Variants in NLGN4Y observed in about 807,000 individuals in gnomAD.
The protein encoded by NLGN4Y is neuroligin-4, Y-linked.
NLGN4Y carries 4 observed loss-of-function variants against 8.4 expected under a neutral mutation model. The observed-to-expected ratio is 0.48, with a 90% CI of 0.23 to 1.09. The LOEUF is 1.09. NLGN4Y is among the 50% of genes least tolerant of loss of function. The pLI is 0.19. For missense variants in NLGN4Y, 90 were observed against 192.3 expected, an observed-to-expected ratio of 0.47 and a Z score of 3.15; for synonymous variants, 35 against 75.6, an observed-to-expected ratio of 0.46 and a Z score of 2.78.
intron 2 of NLGN4Y, among the ~76,000 whole-genome samples, chrY:14,662,977 T>C: frequency 6.0e-5 from 2 of 33,461 alleles, no homozygotes; most frequent in Admixed American, 5.4e-4. Context: ...TTTCTGACTA[T>C]AATTTTTGTA....
chrY:14,554,354 A>G, intron 1 of NLGN4Y, among the ~76,000 whole-genome samples: 1 of 29,619 alleles, frequency 3.4e-5, no homozygotes. Flanking sequence ...GAGCACAGGC[A>G]TGTACCACCA....
At chrY:14,569,591 GTC>G (rs1569357160) in intron 1 of NLGN4Y, among the ~76,000 whole-genome samples, 1 of 33,424 alleles carries the variant, frequency 3.0e-5, no homozygotes, top group East Asian at 7.8e-4. Flanking sequence ...AACTGCATGT[GTC>G]TTTTTTGTAG....
Position 14,842,623 on chromosome Y carries a change from T to A in NLGN4Y, c.*1361T>A. On this transcript the variant is annotated 3_prime_UTR_variant, in exon 7 of 7. Coordinates refer to ENST00000684976, the MANE Select transcript of NLGN4Y (RefSeq NM_001365588.1). ...AAAATCTTTTATGTCATTTATAGGA[T>A]AAAACATATGCTTGTCTGAAAATAT... 8.2e-6 allele frequency: 1 copy of A among 122,082 alleles called. No individual in the cohort carries two copies. Among genetic ancestry groups the A allele is most frequent in the Non-Finnish European group, 1.8e-5 (1 of 56,256 alleles). The allele number at this position is 122,082 out of a possible 400,897, so 30.5% of individuals were successfully genotyped here. A position where few individuals can be genotyped will look rare whatever the true frequency, so the allele number is the denominator to read the frequency against.
At chrY:14,793,692 T>C in intron 4 of NLGN4Y, 1 of 32,209 alleles carries the variant, frequency 3.1e-5, no homozygotes, top group South Asian at 7.0e-4. Flanking sequence ...AGTGAGAAAA[T>C]TGTTAGCAGG....
At chrY:14,649,507 A>G in intron 2 of NLGN4Y, among the ~76,000 whole-genome samples, 2 of 32,581 alleles carry the variant, frequency 6.1e-5, no homozygotes, top group Non-Finnish European at 1.5e-4. Flanking sequence ...TGCCCCACAC[A>G]CTGATTTCCA....
intron 2 of NLGN4Y, among the ~76,000 whole-genome samples, chrY:14,674,333 CTTTTTTTTT>C (rs751963564): frequency 9.7e-5 from 2 of 20,672 alleles, no homozygotes; most frequent in African/African-American, 3.7e-4. Context: ...TTAATTTTTC[CTTTTTTTTT>C]TTTTTTTTTT....
intron 4 of NLGN4Y, among the ~76,000 whole-genome samples, chrY:14,769,444 A>T: frequency 1.2e-4 from 4 of 32,479 alleles, no homozygotes; most frequent in Non-Finnish European, 3.0e-4. Flanking sequence ...CTGGGAAGAG[A>T]AAGGGGTCAG....
intron 6 of NLGN4Y, among the ~76,000 whole-genome samples, chrY:14,831,819 C>A: frequency 3.1e-5 from 1 of 32,069 alleles, no homozygotes; most frequent in African/African-American, 1.2e-4. Context: ...CATACACACA[C>A]ATATGTCACA....
intron 4 of NLGN4Y, among the ~76,000 whole-genome samples, chrY:14,729,032 A>T: frequency 3.0e-5 from 1 of 33,683 alleles, no homozygotes; most frequent in Non-Finnish European, 7.4e-5. Context: ...ATTGCAATGG[A>T]CATGGTAATT....
chrY:14,656,008 C>A (rs945513993), intron 2 of NLGN4Y, among the ~76,000 whole-genome samples: 10 of 32,879 alleles, frequency 3.0e-4, no homozygotes, highest in African/African-American at 1.2e-3. Flanking sequence ...ATTTCATATG[C>A]CAGGGAAAAT....
chrY:14,834,009 A>G, intron 6 of NLGN4Y, among the ~76,000 whole-genome samples: 3 of 31,925 alleles, frequency 9.4e-5, no homozygotes, highest in Admixed American at 5.7e-4. Flanking sequence ...CTATTAAAAA[A>G]AAAAAAAAAG....
chrY:14,667,867 G>A, intron 2 of NLGN4Y, among the ~76,000 whole-genome samples: 1 of 33,627 alleles, frequency 3.0e-5, no homozygotes, highest in Non-Finnish European at 7.4e-5. Flanking sequence ...GTAAATTTGT[G>A]CATAGGATTC....
At chrY:14,654,804 C>G (rs2080643880) in intron 2 of NLGN4Y, among the ~76,000 whole-genome samples, 1 of 32,453 alleles carries the variant, frequency 3.1e-5, no homozygotes, top group Admixed American at 2.9e-4. Context: ...CTCAATCACC[C>G]CACACTGTGT....
At chrY:14,766,022 C>A (rs2081092657) in intron 4 of NLGN4Y, among the ~76,000 whole-genome samples, 2 of 33,359 alleles carry the variant, frequency 6.0e-5, no homozygotes, top group South Asian at 1.3e-3. Context: ...GCAAAGTTTT[C>A]TCTGTACATG....
intron 4 of NLGN4Y, among the ~76,000 whole-genome samples, chrY:14,769,809 C>G (rs968568093): frequency 1.2e-4 from 4 of 33,404 alleles, no homozygotes; most frequent in Admixed American, 8.1e-4. Flanking sequence ...ACTTGAAATT[C>G]TCACTACCAG....
chrY:14,770,694 G>A (rs2081105051), intron 4 of NLGN4Y, among the ~76,000 whole-genome samples: 1 of 33,393 alleles, frequency 3.0e-5, no homozygotes, highest in Non-Finnish European at 7.4e-5. Flanking sequence ...AAACCGGATG[G>A]AGAATGAGTT....
chrY:14,693,912 T>TA (rs768763131), intron 2 of NLGN4Y, among the ~76,000 whole-genome samples: 74 of 26,703 alleles, frequency 2.8e-3, no homozygotes, highest in South Asian at 4.9e-3. Flanking sequence ...GGACAAAAAT[T>TA]AAAAAAAAAA....
intron 2 of NLGN4Y, among the ~76,000 whole-genome samples, chrY:14,646,888 C>T (rs1001542188): frequency 1.5e-4 from 5 of 33,921 alleles, no homozygotes; most frequent in Non-Finnish European, 2.2e-4. Flanking sequence ...AGTTGGTGTG[C>T]GTGAATTGTC....
intron 4 of NLGN4Y, among the ~76,000 whole-genome samples, chrY:14,773,273 A>T: frequency 3.0e-5 from 1 of 33,417 alleles, no homozygotes; most frequent in Non-Finnish European, 7.4e-5. Context: ...CTGCACACCA[A>T]TTGTAGACAA....
Sources: allele counts gnomAD v4.1 joint callset (sites outside exome capture counted in the v4.1 genomes callset), GRCh38; gene constraint gnomAD v4.1.1; transcripts MANE v1.5; gene names NCBI Gene and HGNC (gene_info 2026-07-23, HGNC 2026-07-21).